Variants in WDFY3 observed in about 807,000 individuals in gnomAD.
WDFY3 encodes WD repeat and FYVE domain containing 3.
A neutral mutation model predicts 409.6 loss-of-function variants in WDFY3; 66 were observed. That is an observed-to-expected ratio of 0.16 (90% confidence interval 0.13 to 0.20). The LOEUF (loss-of-function observed/expected upper bound fraction) is 0.20, where lower values mean the gene tolerates loss of function less well. Ranked by LOEUF, WDFY3 falls within the 10% of genes least tolerant of loss-of-function variation. The pLI is 1.00. For missense variants in WDFY3, 3,031 were observed against 4,298.1 expected (o/e 0.71, Z 8.24); for synonymous variants, 1,521 against 1,537.1 (o/e 0.99, Z 0.25).
In WDFY3 at chr4:84,766,290, T is replaced by C. The variant is rs771171481; in HGVS notation, c.4932A>G (p.Leu1644=). The C allele has an allele frequency of 2.5e-6, 4 of 1,596,874 alleles. No homozygotes were observed. The highest frequency in any genetic ancestry group is 3.4e-6 in the Non-Finnish European group (4 of 1,172,698). ...TTGTCTTTTCTTTAGATGTATAAAT[T>C]AGTTTTAGCAAGATATCCAGAAGTC... ...RNRLLDILLK[L]IYTSKEKTSI... The change falls in exon 31 of 68, where the codon CTA becomes CTG. Residue 1644 remains leucine, a synonymous_variant. Transcript: ENST00000295888.
At chr4:84,813,476 CG>C (rs1425687333) in intron 13 of WDFY3, among the ~76,000 whole-genome samples, 2 of 152,106 alleles carry the variant, frequency 1.3e-5, no homozygotes, top group African/African-American at 2.4e-5. Flanking sequence ...TATGCTTTTA[CG>C]TATCTGCATG....
chr4:84,813,062 TATAA>T (rs1281206649), intron 13 of WDFY3, among the ~76,000 whole-genome samples: 1 of 152,128 alleles, frequency 6.6e-6, no homozygotes, highest in African/African-American at 2.4e-5. Context: ...CAGGTTTGTG[TATAA>T]ATAATTACAA....
chr4:84,827,019 T>C (rs1754963167), intron 9 of WDFY3, 38 bp from the exon 10 acceptor site: 1 of 1,584,002 alleles, frequency 6.3e-7, no homozygotes, highest in Non-Finnish European at 8.5e-7. Flanking sequence ...TTTTTTCTCT[T>C]TGGTTGTGTT....
intron 2 of WDFY3, among the ~76,000 whole-genome samples, chr4:84,899,883 A>T (rs1444164525): frequency 6.6e-6 from 1 of 152,090 alleles, no homozygotes; most frequent in African/African-American, 2.4e-5. Flanking sequence ...AAAAAAAATT[A>T]AAAATTAAAA....
chr4:84,850,758 C>T (rs1758803456), intron 4 of WDFY3, among the ~76,000 whole-genome samples: 1 of 152,044 alleles, frequency 6.6e-6, no homozygotes, highest in Non-Finnish European at 1.5e-5. Flanking sequence ...AAACTCATTT[C>T]ATGTCTCAGA....
intron 22 of WDFY3, among the ~76,000 whole-genome samples, chr4:84,789,068 C>G (rs1244658172): frequency 6.6e-6 from 1 of 152,026 alleles, no homozygotes; most frequent in African/African-American, 2.4e-5. Context: ...AAAATGAATA[C>G]TATCTTTTAG....
intron 44 of WDFY3, among the ~76,000 whole-genome samples, chr4:84,732,240 G>A (rs1050839948): frequency 2.0e-5 from 3 of 152,030 alleles, no homozygotes; most frequent in Non-Finnish European, 4.4e-5. Flanking sequence ...TAAGACCTAC[G>A]CATATTATTA....
chr4:84,691,848 G>A, intron 59 of WDFY3, 63 bp from the exon 60 acceptor site: 1 of 1,422,872 alleles, frequency 7.0e-7, no homozygotes, highest in Non-Finnish European at 9.5e-7. Flanking sequence ...TTATCTCATA[G>A]AGCATGATAA....
At chr4:84,956,908 T>G (rs912619091) in intron 1 of WDFY3, among the ~76,000 whole-genome samples, 1 of 151,678 alleles carries the variant, frequency 6.6e-6, no homozygotes, top group Non-Finnish European at 1.5e-5. Context: ...CAATGACATA[T>G]TATTAAGCTA....
At chr4:84,953,394 A>G (rs992957734) in intron 1 of WDFY3, among the ~76,000 whole-genome samples, 1 of 152,110 alleles carries the variant, frequency 6.6e-6, no homozygotes, top group African/African-American at 2.4e-5. Context: ...TGTATTCAGG[A>G]TTTTTGCTAA....
At chr4:84,772,424 A>C (rs1025605837) in intron 30 of WDFY3, among the ~76,000 whole-genome samples, 3 of 151,980 alleles carry the variant, frequency 2.0e-5, no homozygotes, top group Non-Finnish European at 4.4e-5. Flanking sequence ...AGTGACTACT[A>C]AATATTTAAC....
chr4:84,758,878 C>T (rs1051617027), intron 32 of WDFY3, among the ~76,000 whole-genome samples: 4 of 152,110 alleles, frequency 2.6e-5, no homozygotes, highest in Non-Finnish European at 4.4e-5. Context: ...AGTCCTTGCC[C>T]GTGCCTATGT....
intron 46 of WDFY3, among the ~76,000 whole-genome samples, chr4:84,721,778 T>G (rs769863012): frequency 1.3e-4 from 20 of 152,178 alleles, no homozygotes; most frequent in Non-Finnish European, 2.9e-5. Context: ...CTTAGTTTCT[T>G]ATCTATAAAA....
At chr4:84,953,858 C>A (rs1271333510) in intron 1 of WDFY3, among the ~76,000 whole-genome samples, 1 of 152,050 alleles carries the variant, frequency 6.6e-6, no homozygotes, top group Non-Finnish European at 1.5e-5. Context: ...TTTGATCAAT[C>A]CCCCTGATAT....
intron 3 of WDFY3, among the ~76,000 whole-genome samples, chr4:84,882,718 ATTT>A (rs761553554): frequency 2.1e-5 from 3 of 143,850 alleles, no homozygotes; most frequent in Admixed American, 7.0e-5. Flanking sequence ...TTTCACCTAT[ATTT>A]TTTTTTTTTT....
At chr4:84,905,891 AT>A (rs1177439609) in intron 2 of WDFY3, among the ~76,000 whole-genome samples, 1 of 151,926 alleles carries the variant, frequency 6.6e-6, no homozygotes, top group African/African-American at 2.4e-5. Context: ...AACTCCTTCA[AT>A]TTTCAGCTTC....
chr4:84,708,423 C>A (rs2148982228), intron 53 of WDFY3, among the ~76,000 whole-genome samples: 1 of 152,310 alleles, frequency 6.6e-6, no homozygotes, highest in East Asian at 1.9e-4. Flanking sequence ...GGTCAATTAT[C>A]CAAACTTTTT....
chr4:84,777,063 G>C (rs1393023463), intron 27 of WDFY3, among the ~76,000 whole-genome samples: 4 of 152,050 alleles, frequency 2.6e-5, no homozygotes, highest in Non-Finnish European at 5.9e-5. Context: ...TATACACAGG[G>C]AAGAAGGAAG....
chr4:84,957,194 G>C (rs1002465453), intron 1 of WDFY3, among the ~76,000 whole-genome samples: 1 of 146,680 alleles, frequency 6.8e-6, no homozygotes, highest in Non-Finnish European at 1.5e-5. Flanking sequence ...TTACAGTTTA[G>C]TTGGTCAAAA....
Sources: gnomAD v4.1 joint callset for allele counts (sites outside exome capture counted in the v4.1 genomes callset) on GRCh38, gnomAD v4.1.1 for gene constraint, MANE v1.5 for transcripts, NCBI Gene and HGNC (gene_info 2026-07-23, HGNC 2026-07-21) for gene names.